The following CDH3 variants were observed in gnomAD, a reference collection of about 807,000 sequenced individuals.
The protein encoded by CDH3 is cadherin 3, also known as cadherin-3.
CDH3 carries 54 observed loss-of-function variants against 82.0 expected under a neutral mutation model. The observed-to-expected ratio is 0.66, with a 90% CI of 0.53 to 0.83. The LOEUF is 0.83. Among genes scored for constraint, CDH3 ranks in the 40% least tolerant of loss-of-function variants. The pLI is 0.00. For synonymous variants in CDH3, 446 were observed against 437.9 expected (o/e 1.02, Z -0.23); for missense variants, 1,054 against 1,084.6 (o/e 0.97, Z 0.40).
At chr16:68,709,186 C>T (rs1174996248) in intron 1 of CDH3, among the ~76,000 whole-genome samples, 1 of 152,114 alleles carries the variant, frequency 6.6e-6, no homozygotes, top group Non-Finnish European at 1.5e-5. Flanking sequence ...AGCAATCCTC[C>T]CACCTCAGCC....
downstream of CDH3, among the ~76,000 whole-genome samples, chr16:68,730,136 G>A (rs2152112230): frequency 6.6e-6 from 1 of 152,116 alleles, no homozygotes; most frequent in Admixed American, 6.6e-5. Context: ...AGGAGGCTGA[G>A]GCAGGAGGAA....
chr16:68,663,712 G>GA (rs1284974275), intron 2 of CDH3, among the ~76,000 whole-genome samples: 2 of 152,102 alleles, frequency 1.3e-5, no homozygotes, highest in Non-Finnish European at 2.9e-5. Context: ...TCTGGGAAGG[G>GA]AAGCTCTAAG....
At chr16:68,728,617 A>T (rs12930910), downstream of CDH3, among the ~76,000 whole-genome samples, 1 of 152,058 alleles carries the variant, frequency 6.6e-6, no homozygotes, top group African/African-American at 2.4e-5. Flanking sequence ...TCTTAAAGGC[A>T]GGGACCGTAT....
At chr16:68,650,065 AG>A (rs993284753) in intron 2 of CDH3, among the ~76,000 whole-genome samples, 4 of 151,356 alleles carry the variant, frequency 2.6e-5, no homozygotes, top group African/African-American at 9.7e-5. Flanking sequence ...GGACCACAGT[AG>A]GGGGTAGTTA....
intron 2 of CDH3, among the ~76,000 whole-genome samples, chr16:68,652,642 A>AGG (rs1349757031): frequency 6.6e-6 from 1 of 152,144 alleles, no homozygotes; most frequent in Non-Finnish European, 1.5e-5. Context: ...GAACATCGCA[A>AGG]ACTTAAAACC....
At chr16:68,732,674 C>T in the CDH3 span, among the ~76,000 whole-genome samples, 2 of 152,130 alleles carry the variant, frequency 1.3e-5, no homozygotes, top group Non-Finnish European at 2.9e-5. Context: ...TTGGGTTTTC[C>T]CCAGTTGAGA....
downstream of CDH3, among the ~76,000 whole-genome samples, chr16:68,702,335 A>G (rs1961907537): frequency 6.6e-6 from 1 of 152,174 alleles, no homozygotes; most frequent in African/African-American, 2.4e-5. Flanking sequence ...AACAATGTCA[A>G]ACAACTTGCA....
At chr16:68,663,376 G>A (rs1053269000) in intron 2 of CDH3, among the ~76,000 whole-genome samples, 1 of 151,644 alleles carries the variant, frequency 6.6e-6, no homozygotes, top group Non-Finnish European at 1.5e-5. Flanking sequence ...GACTACAGAT[G>A]CCCGCCATGA....
At chr16:68,731,986 G>A (rs1962297750), downstream of CDH3, among the ~76,000 whole-genome samples, 1 of 151,570 alleles carries the variant, frequency 6.6e-6, no homozygotes, top group African/African-American at 2.4e-5. Context: ...AATACCTGTG[G>A]TTTCATTATA....
At chr16:68,718,103 G>C (rs1489615033) in intron 1 of CDH3, among the ~76,000 whole-genome samples, 1 of 152,020 alleles carries the variant, frequency 6.6e-6, no homozygotes, top group African/African-American at 2.4e-5. Flanking sequence ...TCTGCCCCCA[G>C]GTTCAAGTGA....
At chr16:68,671,154 AC>A (rs1352677447) in intron 2 of CDH3, among the ~76,000 whole-genome samples, 2 of 144,770 alleles carry the variant, frequency 1.4e-5, no homozygotes, top group Non-Finnish European at 3.0e-5. Flanking sequence ...AGATTGATGT[AC>A]TTTTTTTTTT....
chr16:68,691,229 C>T (rs1270307448), intron 12 of CDH3, among the ~76,000 whole-genome samples: 1 of 152,062 alleles, frequency 6.6e-6, no homozygotes, highest in Non-Finnish European at 1.5e-5. Context: ...TGGTCTCGAT[C>T]TCTTGACCTC....
intron 13 of CDH3, among the ~76,000 whole-genome samples, chr16:68,692,592 T>C (rs2152105822): frequency 6.6e-6 from 1 of 152,308 alleles, no homozygotes; most frequent in South Asian, 2.1e-4. Context: ...AATTTAGGAA[T>C]AGAACCCAGT....
intron 2 of CDH3, among the ~76,000 whole-genome samples, chr16:68,652,105 G>A (rs1960267277): frequency 6.6e-6 from 1 of 152,146 alleles, no homozygotes; most frequent in Non-Finnish European, 1.5e-5. Context: ...GTCAGTGAGA[G>A]GTCACTGGTG....
intron 2 of CDH3, among the ~76,000 whole-genome samples, chr16:68,675,368 G>A (rs930449665): frequency 6.6e-6 from 1 of 152,186 alleles, no homozygotes; most frequent in Non-Finnish European, 1.5e-5. Flanking sequence ...AGGACCCAGG[G>A]TATAGCCCCT....
chr16:68,647,497 C>T (rs895120608), intron 2 of CDH3, among the ~76,000 whole-genome samples: 10 of 152,078 alleles, frequency 6.6e-5, no homozygotes, highest in African/African-American at 2.4e-4. Context: ...TCAGCTTTCT[C>T]GGATGTCTGC....
intron 13 of CDH3, among the ~76,000 whole-genome samples, chr16:68,693,027 C>G (rs1268652674): frequency 1.3e-5 from 2 of 152,116 alleles, no homozygotes; most frequent in Non-Finnish European, 2.9e-5. Context: ...TCACTTGAAC[C>G]CAGGAGATGG....
intron 9 of CDH3, among the ~76,000 whole-genome samples, chr16:68,683,790 G>T (rs571266986): frequency 2.0e-5 from 3 of 151,502 alleles, no homozygotes; most frequent in Non-Finnish European, 4.4e-5. Context: ...CGCTGGGGCC[G>T]GGCACGATTG....
chr16:68,687,671 C>T lies in CDH3; in HGVS notation c.1730C>T (p.Ser577Phe), dbSNP rs758899885. 8 of 1,613,992 alleles carry T rather than the reference C, an allele frequency of 5.0e-6. No individual in the cohort carries two copies. The African/African-American group carries it at 5.3e-5, about 11-fold the overall frequency. Residue 577 changes from serine (S) to phenylalanine (F), a missense_variant, in exon 12 of 16, where the codon TCC becomes TTC. Coordinates refer to ENST00000264012, the MANE Select transcript of CDH3 (RefSeq NM_001793.6). ...GACAAGGACCTGTCTCCCCACACCTCCCCTTTCCAGGCCCAGCTCACAGAT... is the reference window on the plus strand; with the variant it reads ...GACAAGGACCTGTCTCCCCACACCTTCCCTTTCCAGGCCCAGCTCACAGAT... ...ITDKDLSPHT[S>F]PFQAQLTDDS...
Sources: allele counts gnomAD v4.1 joint callset (sites outside exome capture counted in the v4.1 genomes callset), GRCh38; gene constraint gnomAD v4.1.1; transcripts MANE v1.5; gene names NCBI Gene and HGNC (gene_info 2026-07-23, HGNC 2026-07-21).